Variants in GLIS3 observed in about 807,000 individuals in gnomAD.
GLIS3 encodes zinc finger protein GLIS3.
GLIS3 carries 53 observed loss-of-function variants against 78.6 expected under a neutral mutation model. The observed-to-expected ratio is 0.67, with a 90% confidence interval of 0.54 to 0.85. GLIS3 has a LOEUF of 0.85. GLIS3 is among the 40% of genes least tolerant of loss of function. The pLI is 0.00. For missense variants in GLIS3, 1,703 were observed against 1,231.1 expected (o/e 1.38, Z -5.74); for synonymous variants, 684 against 509.9 (o/e 1.34, Z -4.60).
At chr9:4,195,540 C>T (rs1358142130) in intron 2 of GLIS3, among the ~76,000 whole-genome samples, 2 of 152,234 alleles carry the variant, frequency 1.3e-5, no homozygotes, top group Non-Finnish European at 2.9e-5. Flanking sequence ...CCCCATGGGG[C>T]AGGGCTCGGG....
intron 4 of GLIS3, among the ~76,000 whole-genome samples, chr9:3,951,841 A>AACACACACACAC (rs3061609): frequency 0.035 from 4,575 of 130,482 alleles, 128 homozygotes; most frequent in East Asian, 0.05. Flanking sequence ...AATAAGCATG[A>AACACACACACAC]ACACACACAC....
the GLIS3 span, among the ~76,000 whole-genome samples, chr9:4,408,931 T>A: frequency 6.6e-6 from 1 of 151,904 alleles, no homozygotes; most frequent in Non-Finnish European, 1.5e-5. Flanking sequence ...TGCATACCTG[T>A]GCCAAAATAT....
the GLIS3 span, among the ~76,000 whole-genome samples, chr9:4,455,406 G>T: frequency 6.6e-6 from 1 of 152,110 alleles, no homozygotes; most frequent in Non-Finnish European, 1.5e-5. Flanking sequence ...AGAAGAGGAT[G>T]GAAGTGGAAG....
chr9:4,168,111 C>A (rs747252694), intron 2 of GLIS3, among the ~76,000 whole-genome samples: 28 of 152,270 alleles, frequency 1.8e-4, no homozygotes, highest in Middle Eastern at 3.4e-3. Context: ...AGGCTTTCAA[C>A]TGAAAACTCA....
the GLIS3 span, among the ~76,000 whole-genome samples, chr9:4,481,124 G>A: frequency 6.6e-6 from 1 of 152,054 alleles, no homozygotes; most frequent in Non-Finnish European, 1.5e-5. Context: ...CCAAAGTGCT[G>A]GGATTACAGG....
At chr9:4,088,310 C>A (rs548368674) in intron 4 of GLIS3, among the ~76,000 whole-genome samples, 3 of 152,260 alleles carry the variant, frequency 2.0e-5, no homozygotes, top group African/African-American at 7.2e-5. Context: ...TGGGTCTAGC[C>A]CAATCCTTGG....
At chr9:4,168,243 C>G (rs1816050157) in intron 2 of GLIS3, among the ~76,000 whole-genome samples, 1 of 152,036 alleles carries the variant, frequency 6.6e-6, no homozygotes, top group Admixed American at 6.6e-5. Context: ...CAGACTAGCT[C>G]TCTGTTGTAA....
intron 4 of GLIS3, among the ~76,000 whole-genome samples, chr9:3,967,156 C>G (rs1197978928): frequency 2.6e-5 from 4 of 151,416 alleles, no homozygotes; most frequent in African/African-American, 9.7e-5. Flanking sequence ...CTGGCCAATT[C>G]ATTTTCAGTT....
intron 4 of GLIS3, among the ~76,000 whole-genome samples, chr9:3,973,049 C>A (rs1162200747): frequency 6.6e-6 from 1 of 152,022 alleles, no homozygotes; most frequent in South Asian, 2.1e-4. Context: ...TGAGAAGGAC[C>A]CACAGAACTC....
At chr9:4,045,313 T>G (rs376463242) in intron 4 of GLIS3, among the ~76,000 whole-genome samples, 7 of 152,096 alleles carry the variant, frequency 4.6e-5, no homozygotes, top group African/African-American at 1.7e-4. Flanking sequence ...GAAGATGAAG[T>G]GTTCTGAACT....
chr9:4,390,310 T>C, the GLIS3 span, among the ~76,000 whole-genome samples: 1 of 152,238 alleles, frequency 6.6e-6, no homozygotes, highest in South Asian at 2.1e-4. Flanking sequence ...AGAGCATAAG[T>C]AGACTTTGTG....
At chr9:3,976,579 G>GAAGA (rs1818805206) in intron 4 of GLIS3, among the ~76,000 whole-genome samples, 1 of 151,352 alleles carries the variant, frequency 6.6e-6, no homozygotes, top group Non-Finnish European at 1.5e-5. Context: ...GACACCCTCT[G>GAAGA]AAGAAACCTC....
At chr9:4,306,479 C>T (rs1398184799) in intron 4 of GLIS3, among the ~76,000 whole-genome samples, 4 of 152,166 alleles carry the variant, frequency 2.6e-5, no homozygotes, top group East Asian at 3.8e-4. Context: ...ACAACTGCCT[C>T]GAACAGCCAG....
intron 2 of GLIS3, among the ~76,000 whole-genome samples, chr9:4,237,561 A>C (rs1822884581): frequency 1.3e-5 from 2 of 152,212 alleles, no homozygotes; most frequent in Admixed American, 6.5e-5. Flanking sequence ...AAATGATAGT[A>C]CTTTTTTAAA....
intron 4 of GLIS3, among the ~76,000 whole-genome samples, chr9:4,074,230 T>C (rs2130654444): frequency 6.6e-6 from 1 of 152,232 alleles, no homozygotes; most frequent in African/African-American, 2.4e-5. Context: ...TCAGGGTGGG[T>C]CCCCAAACCA....
intron 2 of GLIS3, among the ~76,000 whole-genome samples, chr9:4,214,144 G>T (rs1191182603): frequency 6.6e-6 from 1 of 152,066 alleles, no homozygotes; most frequent in Non-Finnish European, 1.5e-5. Context: ...CAAAACTCAT[G>T]GTGAAAGTTA....
rs147855777 is a variant in GLIS3, at chr9:3,999,194, T to G, written c.1711-62005A>C. 6.1e-4 allele frequency among the ~76,000 whole-genome samples: 93 copies of G among 152,284 alleles called. No individual in the cohort carries two copies. The East Asian group carries it at 0.016, about 26-fold the overall frequency. On this transcript the variant is annotated intron_variant, in intron 4 of 10. Coordinates refer to ENST00000381971, the MANE Select transcript of GLIS3 (RefSeq NM_001042413.2). The stretch of plus-strand genomic sequence containing the variant: ...TGAACCAATCTCTATAGTCGCAGAT[T>G]TGAGTTTTCAATATGTTGCTGTTAC...
intron 4 of GLIS3, among the ~76,000 whole-genome samples, chr9:4,042,339 A>G (rs1317939466): frequency 6.6e-6 from 1 of 152,194 alleles, no homozygotes; most frequent in Non-Finnish European, 1.5e-5. Context: ...AACAGTGTTA[A>G]CTGTCAGCCA....
intron 7 of GLIS3, among the ~76,000 whole-genome samples, chr9:3,887,007 T>TAGGAAAA (rs1822126150): frequency 6.6e-6 from 1 of 152,188 alleles, no homozygotes; most frequent in Admixed American, 6.5e-5. Context: ...CTACCTGTAT[T>TAGGAAAA]AGGAAAAAGT....
Sources: gnomAD v4.1 joint callset for allele counts (sites outside exome capture counted in the v4.1 genomes callset) on GRCh38, gnomAD v4.1.1 for gene constraint, MANE v1.5 for transcripts, NCBI Gene and HGNC (gene_info 2026-07-23, HGNC 2026-07-21) for gene names.